BABAM2: variants seen among roughly 807,000 people sequenced by gnomAD.
BABAM2 encodes BRISC and BRCA1 A complex member 2, also known as BRISC and BRCA1-A complex member 2.
In BABAM2, 31 loss-of-function variants were observed where a neutral mutation model predicts 54.7. The ratio of observed to expected loss-of-function variants is 0.57; its 90% CI spans 0.43 to 0.77. The LOEUF is 0.77. BABAM2 is among the 30% of genes least tolerant of loss of function. BABAM2 has a pLI of 0.00. For synonymous variants in BABAM2, 167 were observed against 162.9 expected (o/e 1.03, Z -0.19); for missense variants, 364 against 455.8 (o/e 0.80, Z 1.83).
chr2:27,963,490 A>AG (rs1670623841), intron 3 of BABAM2, among the ~76,000 whole-genome samples: 1 of 151,166 alleles, frequency 6.6e-6, no homozygotes, highest in East Asian at 1.9e-4. Flanking sequence ...AAAAAAAAAA[A>AG]AAAGAAAAAG....
At chr2:28,167,970 A>G (rs114336755) in intron 7 of BABAM2, among the ~76,000 whole-genome samples, 3,300 of 152,294 alleles carry the variant, frequency 0.022, 42 homozygotes, top group Non-Finnish European at 0.031. Flanking sequence ...AGAGAAGTTA[A>G]TAATTTTCTC....
intron 10 of BABAM2, among the ~76,000 whole-genome samples, chr2:28,296,663 G>A (rs964724107): frequency 2.6e-5 from 4 of 152,072 alleles, no homozygotes; most frequent in African/African-American, 9.7e-5. Context: ...AGTGATAGAT[G>A]TATAATTATC....
At chr2:28,087,791 G>A (rs775390293) in intron 6 of BABAM2, among the ~76,000 whole-genome samples, 25 of 152,040 alleles carry the variant, frequency 1.6e-4, no homozygotes, top group Non-Finnish European at 3.2e-4. Context: ...TGGGATTACA[G>A]GCGTGCGCCA....
At chr2:28,121,375 C>A (rs1036873684) in intron 6 of BABAM2, among the ~76,000 whole-genome samples, 1 of 152,152 alleles carries the variant, frequency 6.6e-6, no homozygotes, top group Non-Finnish European at 1.5e-5. Context: ...TGAGACAGAC[C>A]TCTTAGCAGT....
intron 6 of BABAM2, among the ~76,000 whole-genome samples, chr2:28,073,018 C>T (rs1259405805): frequency 2.0e-5 from 3 of 152,176 alleles, no homozygotes; most frequent in African/African-American, 7.2e-5. Flanking sequence ...GTTTTTAATG[C>T]CATGCTGCCT....
intron 11 of BABAM2, chr2:28,310,053 A>G (rs1418074992): frequency 8.1e-6 from 13 of 1,609,428 alleles, no homozygotes; most frequent in Non-Finnish European, 1.1e-5. Context: ...AAAGTATCTT[A>G]AAGGGATTTG....
intron 7 of BABAM2, among the ~76,000 whole-genome samples, chr2:28,137,534 T>C (rs1386193428): frequency 1.3e-5 from 2 of 152,252 alleles, no homozygotes; most frequent in Non-Finnish European, 2.9e-5. Flanking sequence ...TGCCTGTGCC[T>C]CCCAAAAGAT....
intron 2 of BABAM2, among the ~76,000 whole-genome samples, chr2:27,910,729 T>C (rs1438466442): frequency 6.6e-6 from 1 of 152,208 alleles, no homozygotes; most frequent in Non-Finnish European, 1.5e-5. Context: ...GTTTGTGATA[T>C]TCTATATTGT....
chr2:28,000,634 G>A (rs762669678), intron 4 of BABAM2, among the ~76,000 whole-genome samples: 1 of 152,014 alleles, frequency 6.6e-6, no homozygotes, highest in Non-Finnish European at 1.5e-5. Context: ...CCTCTTTGAG[G>A]GCAGTATCTA....
chr2:27,942,256 T>G (rs1329017910), intron 3 of BABAM2, among the ~76,000 whole-genome samples: 3 of 152,344 alleles, frequency 2.0e-5, no homozygotes, highest in Admixed American at 6.5e-5. Flanking sequence ...TTGCGAAGTT[T>G]GTTGTTGCAT....
intron 11 of BABAM2, among the ~76,000 whole-genome samples, chr2:28,331,804 A>G (rs913128051): frequency 1.3e-5 from 2 of 152,236 alleles, no homozygotes; most frequent in Non-Finnish European, 2.9e-5. Context: ...TGACCCAGCA[A>G]TCCCATTACT....
At chr2:28,063,913 G>C (rs1165184482) in intron 6 of BABAM2, among the ~76,000 whole-genome samples, 1 of 152,048 alleles carries the variant, frequency 6.6e-6, no homozygotes, top group Non-Finnish European at 1.5e-5. Flanking sequence ...GAAGTTGAAT[G>C]GGTTACCCAG....
chr2:28,048,600 G>T (rs1303154460), intron 6 of BABAM2, among the ~76,000 whole-genome samples: 1 of 152,126 alleles, frequency 6.6e-6, no homozygotes, highest in African/African-American at 2.4e-5. Flanking sequence ...CTTCTTCTGT[G>T]GTCTGTATAG....
chr2:28,298,280 A>AAAAATCT, intron 10 of BABAM2, 58 bp from the exon 11 acceptor site: 1 of 1,562,630 alleles, frequency 6.4e-7, no homozygotes. Context: ...AGTCAAAAAA[A>AAAAATCT]AAAATCTTAA....
At chr2:28,172,587 C>T (rs1674476316) in intron 7 of BABAM2, among the ~76,000 whole-genome samples, 1 of 152,178 alleles carries the variant, frequency 6.6e-6, no homozygotes, top group African/African-American at 2.4e-5. Flanking sequence ...ACTTATGTTT[C>T]CCTGTGAAGA....
intron 10 of BABAM2, among the ~76,000 whole-genome samples, chr2:28,272,049 T>C (rs899335039): frequency 1.3e-5 from 2 of 152,154 alleles, no homozygotes; most frequent in Non-Finnish European, 2.9e-5. Flanking sequence ...TGGTAGAGAA[T>C]TGGGAGAATT....
chr2:28,154,712 G>A (rs992256891), intron 7 of BABAM2, among the ~76,000 whole-genome samples: 1 of 152,066 alleles, frequency 6.6e-6, no homozygotes, highest in Non-Finnish European at 1.5e-5. Flanking sequence ...TAGAAGAGTC[G>A]TTAAAAATCA....
chr2:28,224,673 C>T (rs1680712258), intron 7 of BABAM2, among the ~76,000 whole-genome samples: 1 of 152,044 alleles, frequency 6.6e-6, no homozygotes, highest in Non-Finnish European at 1.5e-5. Context: ...AGTCCCCATC[C>T]TAAGGACAGG....
chr2:28,045,941 TGA>T, intron 6 of BABAM2, 142 bp downstream of exon 6: 1 of 654,552 alleles, frequency 1.5e-6, no homozygotes, highest in South Asian at 4.0e-5. Context: ...GAAGTTCCAT[TGA>T]GCTGTTTTGC....
Sources: allele counts gnomAD v4.1 joint callset (sites outside exome capture counted in the v4.1 genomes callset), GRCh38; gene constraint gnomAD v4.1.1; transcripts MANE v1.5; gene names NCBI Gene and HGNC (gene_info 2026-07-23, HGNC 2026-07-21).